The following PCDH19 variants were observed in gnomAD, a reference collection of about 807,000 sequenced individuals.
PCDH19 encodes the protein protocadherin-19.
PCDH19 carries 6 observed loss-of-function variants against 46.2 expected under a neutral mutation model. That is an observed-to-expected ratio of 0.13 (90% confidence interval 0.07 to 0.26). The LOEUF is 0.26. Among genes scored for constraint, PCDH19 ranks in the 10% least tolerant of loss-of-function variants. The pLI is 1.00. For synonymous variants in PCDH19, 481 were observed against 415.7 expected, an observed-to-expected ratio of 1.16 and a Z score of -1.91; for missense variants, 740 against 972.3, an observed-to-expected ratio of 0.76 and a Z score of 3.18.
intron 3 of PCDH19, among the ~76,000 whole-genome samples, chrX:100,354,294 T>C (rs1429610727): frequency 8.9e-6 from 1 of 111,887 alleles, no homozygotes; most frequent in Non-Finnish European, 1.9e-5. Context: ...ATTTTCTTAA[T>C]GAATAGTTTG....
chrX:100,346,351 C>T (rs978098678), intron 4 of PCDH19, among the ~76,000 whole-genome samples: 1 of 111,969 alleles, frequency 8.9e-6, no homozygotes, highest in African/African-American at 3.3e-5. Flanking sequence ...TAAGAATGAG[C>T]AAGGAGTGAG....
At position 100,339,517 on chromosome X, in the gene PCDH19, A is replaced by G. The variant is rs986147115; in HGVS notation, c.2848+2386T>C. 3.6e-5 allele frequency among the ~76,000 whole-genome samples: 4 copies of G among 112,520 alleles called. No homozygotes were observed. The Admixed American group carries it at 3.8e-4, about 11-fold the overall frequency. On this transcript the variant is annotated intron_variant, in intron 5 of 5. Transcript: ENST00000373034. ...TGTACCTTAAGATAAAATGTGATAT[A>G]CTTATTATGCAAATGCAGACTTGAG...
intron 5 of PCDH19, among the ~76,000 whole-genome samples, chrX:100,325,095 T>G (rs1381599094): frequency 9.1e-6 from 1 of 109,565 alleles, no homozygotes; most frequent in East Asian, 2.9e-4. Flanking sequence ...AGCCATCCGA[T>G]TCACAATTAT....
chrX:100,299,126 G>A (rs781384368), intron 5 of PCDH19, among the ~76,000 whole-genome samples: 1 of 111,755 alleles, frequency 8.9e-6, no homozygotes, highest in East Asian at 2.8e-4. Flanking sequence ...GCAAAAAAAT[G>A]TCCAGAAGGC....
At chrX:100,387,436 A>G (rs1346046676) in intron 3 of PCDH19, among the ~76,000 whole-genome samples, 1 of 111,830 alleles carries the variant, frequency 8.9e-6, no homozygotes, top group Non-Finnish European at 1.9e-5. Flanking sequence ...ATGTTGAAAC[A>G]GGATGCTTCA....
In PCDH19 at chrX:100,294,052, T is replaced by C. The variant is rs1398955065; in HGVS notation, c.*2225A>G. ...CTTGAAATCGTAGCTAATAACATAA[T>C]ATCAGGATGGATCAGGGTGAGAAAC... On this transcript the variant is annotated 3_prime_UTR_variant, in exon 6 of 6. Coordinates refer to ENST00000373034, the MANE Select transcript of PCDH19 (RefSeq NM_001184880.2). 8.9e-6 allele frequency: 1 copy of C among 111,950 alleles called. No individual in the cohort carries two copies. The highest frequency in any genetic ancestry group is 3.3e-5 in the African/African-American group (1 of 30,736). 9.2% of individuals were successfully genotyped at this position (111,950 alleles called of 1,213,427 possible). A position where few individuals can be genotyped will look rare whatever the true frequency, so the allele number is the denominator to read the frequency against.
intron 5 of PCDH19, among the ~76,000 whole-genome samples, chrX:100,327,051 T>C (rs889041385): frequency 1.8e-5 from 2 of 112,068 alleles, no homozygotes; most frequent in African/African-American, 6.5e-5. Context: ...CATGGACTGC[T>C]TAAAGTGTGA....
chrX:100,339,307 T>A (rs1926185949), intron 5 of PCDH19, among the ~76,000 whole-genome samples: 1 of 111,966 alleles, frequency 8.9e-6, no homozygotes, highest in Non-Finnish European at 1.9e-5. Flanking sequence ...TTTTTTCTCC[T>A]CAAGGAATTC....
intron 3 of PCDH19, among the ~76,000 whole-genome samples, chrX:100,378,622 G>A (rs1186371151): frequency 1.8e-5 from 2 of 112,389 alleles, no homozygotes; most frequent in Non-Finnish European, 3.8e-5. Context: ...TAACGTGCTA[G>A]CCAGTATAAC....
Position 100,366,709 on chromosome X carries a change from A to G in PCDH19, c.2617-16005T>C, listed in dbSNP as rs528221030. ...GCACTTTAGAAGCAATTTACAAACA[A>G]TAAGTATGTTAATTGCACATCATTC... On this transcript the variant is annotated intron_variant, in intron 3 of 5. Transcript: ENST00000373034. Among the ~76,000 whole-genome samples, 284 of 112,880 alleles carry G rather than the reference A, an allele frequency of 2.5e-3. 1 individual carries two copies. Among genetic ancestry groups the G allele is most frequent in the Middle Eastern group, 9.1e-3 (2 of 219 alleles).
chrX:100,322,865 A>ATATATATATATATATTTTTTTTTTTTTTT, intron 5 of PCDH19, among the ~76,000 whole-genome samples: 1 of 54,418 alleles, frequency 1.8e-5, no homozygotes, highest in African/African-American at 8.4e-5. Context: ...ATATATATAT[A>ATATATATATATATATTTTTTTTTTTTTTT]TTTTTGCAGC....
In PCDH19 at chrX:100,291,667, A is replaced by G. The variant is rs1259511615; in HGVS notation, c.*4610T>C. 2.7e-5 allele frequency: 3 copies of G among 112,709 alleles called. No homozygotes were observed. The Admixed American group carries it at 2.8e-4, about 11-fold the overall frequency. 9.3% of individuals were successfully genotyped at this position (112,709 alleles called of 1,213,427 possible). A position where few individuals can be genotyped will look rare whatever the true frequency, so the allele number is the denominator to read the frequency against. On this transcript the variant is annotated 3_prime_UTR_variant, in exon 6 of 6. Transcript: ENST00000373034. ...AATACTTTTTCCATAATAGCCTTTA[A>G]TACTAAAATGCATTAAATTTTTGAA...
intron 3 of PCDH19, among the ~76,000 whole-genome samples, chrX:100,399,210 C>G (rs1928108386): frequency 9.0e-6 from 1 of 111,329 alleles, no homozygotes; most frequent in Non-Finnish European, 1.9e-5. Flanking sequence ...CTTATATTTG[C>G]CACATCATAG....
rs766776515 is a variant in PCDH19, at chrX:100,296,817, C to T, written c.2907G>A (p.Arg969=). Residue 969 remains arginine, a synonymous_variant, in exon 6 of 6, where the codon AGG becomes AGA. Coordinates refer to ENST00000373034, the MANE Select transcript of PCDH19 (RefSeq NM_001184880.2). The stretch of plus-strand genomic sequence containing the variant: ...GCATGGGGTTCCGGGGCATCCAGCA[C>T]CTGTCAGAGTGGCCAAGAATCCGGC... ...EECRILGHSD[R]CWMPRNPMPI... The T allele has an allele frequency of 1.7e-6, 2 of 1,211,451 alleles. No homozygotes were observed. The highest frequency in any genetic ancestry group is 5.9e-5 in the East Asian group (2 of 33,836).
At chrX:100,406,133 C>G (rs1374066592) in intron 1 of PCDH19, among the ~76,000 whole-genome samples, 1 of 111,590 alleles carries the variant, frequency 9.0e-6, no homozygotes, top group Non-Finnish European at 1.9e-5. Context: ...CTCTCCCCCT[C>G]CCTCTCTCTC....
chrX:100,296,700 G>A lies in PCDH19; in HGVS notation c.3024C>T (p.Cys1008=), dbSNP rs1266028176. 5.8e-6 allele frequency: 7 copies of A among 1,211,237 alleles called. No individual in the cohort carries two copies. Among genetic ancestry groups the A allele is most frequent in the South Asian group, 3.5e-5 (2 of 56,938 alleles). Residue 1008 remains cysteine (C), a synonymous_variant, in exon 6 of 6, where the codon TGC becomes TGT. Transcript: ENST00000373034. The stretch of plus-strand genomic sequence containing the variant: ...TTGCGAAAGTCCGTTTGGTGGGGCC[G>A]CAGTCGTCATAAGCCTCGACATCAG... ...TAADVEAYDD[C]GPTKRTFATF... is the part of the protein sequence containing the mutation.
At chrX:100,394,944 G>A (rs1927980933) in intron 3 of PCDH19, among the ~76,000 whole-genome samples, 1 of 98,593 alleles carries the variant, frequency 1.0e-5, no homozygotes, top group African/African-American at 3.9e-5. Context: ...CTGGAGTGCA[G>A]TGGCGGGATC....
intron 5 of PCDH19, among the ~76,000 whole-genome samples, chrX:100,323,838 G>C (rs956818151): frequency 1.8e-4 from 20 of 111,675 alleles, no homozygotes; most frequent in Non-Finnish European, 3.0e-4. Context: ...AAATTGCCTA[G>C]AGGGGAAAAG....
intron 5 of PCDH19, among the ~76,000 whole-genome samples, chrX:100,327,084 C>T (rs767922680): frequency 8.9e-6 from 1 of 111,913 alleles, no homozygotes; most frequent in Non-Finnish European, 1.9e-5. Context: ...AAATGAAATG[C>T]CTCATTTTCT....
Sources: gnomAD v4.1 joint callset for allele counts (sites outside exome capture counted in the v4.1 genomes callset) on GRCh38, gnomAD v4.1.1 for gene constraint, MANE v1.5 for transcripts, NCBI Gene and HGNC (gene_info 2026-07-23, HGNC 2026-07-21) for gene names.